IRF2: variants seen among roughly 807,000 people sequenced by gnomAD.
The protein encoded by IRF2 is interferon regulatory factor 2.
Under a neutral mutation model 40.6 loss-of-function variants are expected in IRF2, and 15 were observed. The ratio of observed to expected loss-of-function variants is 0.37; its 90% CI spans 0.25 to 0.57. The LOEUF is 0.57. Ranked by LOEUF, IRF2 falls within the 20% of genes least tolerant of loss-of-function variation. The probability of loss-of-function intolerance (pLI) is 0.77; values close to 1 mark genes in which losing one functional copy is unlikely to be tolerated. For missense variants in IRF2, 317 were observed against 455.7 expected (o/e 0.70, Z 2.77); for synonymous variants, 151 against 165.5 (o/e 0.91, Z 0.67).
intron 1 of IRF2, among the ~76,000 whole-genome samples, chr4:184,446,715 C>G (rs1326735133): frequency 6.6e-6 from 1 of 151,992 alleles, no homozygotes; most frequent in African/African-American, 2.4e-5. Context: ...AAAAAGCATG[C>G]ATAGGAGGCG....
intron 1 of IRF2, among the ~76,000 whole-genome samples, chr4:184,442,113 T>G (rs999719183): frequency 2.1e-4 from 32 of 152,252 alleles, no homozygotes; most frequent in African/African-American, 7.7e-4. Flanking sequence ...CTGGCCCGGG[T>G]GCACAGGAAG....
At chr4:184,407,239 T>C in intron 6 of IRF2, 3 of 1,288,174 alleles carry the variant, frequency 2.3e-6, no homozygotes, top group Non-Finnish European at 3.0e-6. Context: ...GCTTCTTCCG[T>C]TTCCCAAAAA....
At position 184,408,113 on chromosome 4, in the gene IRF2, G is replaced by A. The variant is rs1290047748; in HGVS notation, c.529+45C>T. 3.4e-6 allele frequency: 4 copies of A among 1,162,082 alleles called. No homozygotes were observed. Among genetic ancestry groups the A allele is most frequent in the African/African-American group, 1.5e-5 (1 of 65,290 alleles). 72.0% of individuals were successfully genotyped at this position (1,162,082 alleles called of 1,614,324 possible). On this transcript the variant is annotated intron_variant, in intron 6 of 8. Transcript: ENST00000393593. This position sits in a 1 kb window ranked among gnomAD's most constrained non-coding sequence, Gnocchi z 4.9. The stretch of plus-strand genomic sequence containing the variant: ...CTGTTTTACAAATTTTAGGCCCCAG[G>A]GGGCTGCTGGTATGTATAAAAAATG...
chr4:184,418,017 T>C (rs1579831290), intron 5 of IRF2, 150 bp downstream of exon 5: 3 of 699,646 alleles, frequency 4.3e-6, no homozygotes, highest in East Asian at 2.5e-5. Context: ...AGTGGATACA[T>C]GCTGAAGAGC....
chr4:184,412,960 C>T (rs1003426040), intron 5 of IRF2, among the ~76,000 whole-genome samples: 1 of 152,216 alleles, frequency 6.6e-6, no homozygotes, highest in African/African-American at 2.4e-5. Context: ...CTGGCATTTA[C>T]CTTCAGGGCT....
chr4:184,420,799 T>G (rs879769070), intron 2 of IRF2, among the ~76,000 whole-genome samples: 2 of 152,214 alleles, frequency 1.3e-5, no homozygotes, highest in Non-Finnish European at 2.9e-5. Flanking sequence ...AGGTATATGT[T>G]ACGATTTCCA....
At chr4:184,431,722 T>A (rs747431743) in intron 1 of IRF2, among the ~76,000 whole-genome samples, 10 of 152,174 alleles carry the variant, frequency 6.6e-5, no homozygotes, top group Non-Finnish European at 1.2e-4. Flanking sequence ...AGAAGTGCTG[T>A]GCGTGGTCCC....
At chr4:184,414,009 G>A (rs1206215098) in intron 5 of IRF2, among the ~76,000 whole-genome samples, 2 of 152,224 alleles carry the variant, frequency 1.3e-5, no homozygotes, top group South Asian at 2.1e-4. Context: ...CAAAGGCTAC[G>A]AGGCACCCGG....
At chr4:184,414,013 C>T (rs1737172413) in intron 5 of IRF2, among the ~76,000 whole-genome samples, 1 of 152,254 alleles carries the variant, frequency 6.6e-6, no homozygotes. Context: ...GGCTACGAGG[C>T]ACCCGGTGGA....
At chr4:184,472,241 A>G (rs1184048999) in intron 1 of IRF2, 1 of 152,308 alleles carries the variant, frequency 6.6e-6, no homozygotes, top group Non-Finnish European at 1.5e-5. Context: ...AATAAAGGAA[A>G]GTTGGGGAAA....
intron 1 of IRF2, among the ~76,000 whole-genome samples, chr4:184,470,423 G>A (rs149909790): frequency 3.7e-4 from 56 of 152,318 alleles, no homozygotes; most frequent in African/African-American, 1.3e-3. Flanking sequence ...GCTCATGCCT[G>A]TAATCCCAGA....
chr4:184,434,793 G>A (rs1738019046), intron 1 of IRF2, among the ~76,000 whole-genome samples: 1 of 152,232 alleles, frequency 6.6e-6, no homozygotes, highest in African/African-American at 2.4e-5. Flanking sequence ...TAACAGTGAG[G>A]TTGAATTTTC....
intron 2 of IRF2, among the ~76,000 whole-genome samples, chr4:184,425,552 A>G (rs1737637662): frequency 6.6e-6 from 1 of 152,258 alleles, no homozygotes; most frequent in African/African-American, 2.4e-5. Context: ...ACGGGCCGGC[A>G]GCCACGGGCA....
intron 6 of IRF2, among the ~76,000 whole-genome samples, chr4:184,400,943 C>A (rs1036670498): frequency 6.6e-6 from 1 of 152,230 alleles, no homozygotes; most frequent in Non-Finnish European, 1.5e-5. Flanking sequence ...CCACCATCAT[C>A]AACGTTTTAC....
At chr4:184,463,868 T>C (rs565746155) in intron 1 of IRF2, among the ~76,000 whole-genome samples, 2 of 152,320 alleles carry the variant, frequency 1.3e-5, no homozygotes, top group Admixed American at 1.3e-4. Context: ...ACTGTCATTC[T>C]CCAACAGGGG....
chr4:184,454,111 G>T (rs372140885), intron 1 of IRF2, among the ~76,000 whole-genome samples: 3 of 152,114 alleles, frequency 2.0e-5, no homozygotes, highest in African/African-American at 7.2e-5. Flanking sequence ...TGATTTGAAG[G>T]GCACTATCTT....
intron 1 of IRF2, among the ~76,000 whole-genome samples, chr4:184,446,761 G>A (rs1197548577): frequency 1.3e-5 from 2 of 151,900 alleles, no homozygotes; most frequent in Non-Finnish European, 2.9e-5. Flanking sequence ...AGACCACCCC[G>A]GCTAACACGG....
intron 1 of IRF2, chr4:184,431,999 A>T (rs1038278089): frequency 6.6e-6 from 1 of 152,224 alleles, no homozygotes; most frequent in Non-Finnish European, 1.5e-5. Context: ...GTTCTCACAG[A>T]CAGGCATCTC....
intron 1 of IRF2, among the ~76,000 whole-genome samples, chr4:184,467,431 A>G (rs892368641): frequency 3.3e-5 from 5 of 152,156 alleles, no homozygotes; most frequent in African/African-American, 7.2e-5. Context: ...CACACCCATC[A>G]TATCTAGGTG....
Sources: gnomAD v4.1 joint callset for allele counts (sites outside exome capture counted in the v4.1 genomes callset) on GRCh38, gnomAD v4.1.1 for gene constraint, Gnocchi (gnomAD v3.1) non-coding constraint, MANE v1.5 for transcripts, NCBI Gene and HGNC (gene_info 2026-07-23, HGNC 2026-07-21) for gene names.